WDR76: variants seen among roughly 807,000 people sequenced by gnomAD.
WDR76 encodes the protein WD repeat-containing protein 76.
A neutral mutation model predicts 70.2 loss-of-function variants in WDR76; 52 were observed. The observed-to-expected ratio is 0.74, with a 90% CI of 0.59 to 0.93. WDR76 has a LOEUF of 0.93. WDR76 is among the 40% of genes least tolerant of loss of function. WDR76 has a pLI of 0.00. For synonymous variants in WDR76, 292 were observed against 271.1 expected, an observed-to-expected ratio of 1.08 and a Z score of -0.76; for missense variants, 756 against 760.2, an observed-to-expected ratio of 0.99 and a Z score of 0.07.
At chr15:43,851,046 T>C (rs746872480) in intron 8 of WDR76, 41 bp from the exon 9 acceptor site, 3 of 1,605,296 alleles carry the variant, frequency 1.9e-6, no homozygotes, top group Non-Finnish European at 2.6e-6. Context: ...TATTTTTCAC[T>C]AGTTTTTTTC....
chr15:43,848,262 T>G (rs550820687), intron 8 of WDR76, among the ~76,000 whole-genome samples: 6 of 152,182 alleles, frequency 3.9e-5, no homozygotes, highest in Admixed American at 2.6e-4. Context: ...AAAATTCACT[T>G]ACTGCAATAA....
chr15:43,828,031 T>G lies in WDR76; in HGVS notation c.127T>G (p.Leu43Val). ...TCTGAGACCAGCACAGACTACAGTT[T>G]TAATAAAAACAGCTAAGGTCTATCT... is the stretch of plus-strand genomic sequence containing the variant. ...VSLRPAQTTV[L>V]IKTAKVYLAP... Residue 43 changes from leucine to valine, a missense_variant, in exon 2 of 13, where the codon TTA becomes GTA. Physicochemically the swap from Leu to Val is conservative, Grantham distance 32. Transcript: ENST00000263795. 1 of 1,614,086 alleles carries G rather than the reference T, an allele frequency of 6.2e-7. No individual in the cohort carries two copies. The highest frequency in any genetic ancestry group is 8.5e-7 in the Non-Finnish European group (1 of 1,180,016).
At chr15:43,835,004 A>G in intron 2 of WDR76, 57 bp from the exon 3 acceptor site, 1 of 1,421,936 alleles carries the variant, frequency 7.0e-7, no homozygotes, top group Non-Finnish European at 9.9e-7. Context: ...AGTTTTGTGA[A>G]GTGCTTTTCC....
chr15:43,842,382 G>A (rs746653320), intron 5 of WDR76, 33 bp from the exon 6 acceptor site: 47 of 1,597,458 alleles, frequency 2.9e-5, no homozygotes, highest in Non-Finnish European at 3.9e-5. Context: ...AGGGCAGGGA[G>A]CCCAACAAAT....
Position 43,843,963 on chromosome 15 carries a change from G to A in WDR76, c.941G>A (p.Gly314Asp). 6.2e-7 allele frequency: 1 copy of A among 1,612,824 alleles called. No individual in the cohort carries two copies. The highest frequency in any genetic ancestry group is 8.5e-7 in the Non-Finnish European group (1 of 1,179,356). The part of the protein sequence containing the change: ...SEDTVYKVTT[G>D]PIFSMALHPS... Reference sequence around the variant, plus strand: ...GATACCGTTTACAAAGTTACCACAGGCCCAATATTCTCTATGGCTCTCCAT... The same window carrying A: ...GATACCGTTTACAAAGTTACCACAGACCCAATATTCTCTATGGCTCTCCAT... Residue 314 changes from glycine to aspartate, a missense_variant, in exon 8 of 13, where the codon GGC becomes GAC. Physicochemically the swap from Gly to Asp is moderately conservative, Grantham distance 94. Transcript: ENST00000263795.
chr15:43,851,060 C>G (rs768408581), intron 8 of WDR76, 27 bp from the exon 9 acceptor site: 4 of 1,607,668 alleles, frequency 2.5e-6, no homozygotes, highest in Non-Finnish European at 3.4e-6. Context: ...TTTTTTCTCT[C>G]TCCCCTTTCC....
At position 43,858,845 on chromosome 15, in the gene WDR76, G is replaced by T. The variant is rs775643011; in HGVS notation, c.1562+22G>T. ...TGAGGTAAATTGGGAAGGCAGAAATGTTTTTAGGGAATCTAAAGAGTCTAT... is the reference window on the plus strand; with the variant it reads ...TGAGGTAAATTGGGAAGGCAGAAATTTTTTTAGGGAATCTAAAGAGTCTAT... On this transcript the variant is annotated intron_variant, in intron 11 of 12. Coordinates refer to ENST00000263795, the MANE Select transcript of WDR76 (RefSeq NM_024908.4). The T allele has an allele frequency of 1.8e-5, 29 of 1,609,780 alleles. No homozygotes were observed. In the East Asian group the frequency reaches 6.5e-4, roughly 36 times the overall value.
At chr15:43,845,250 G>T (rs1020992241) in intron 8 of WDR76, among the ~76,000 whole-genome samples, 1 of 149,908 alleles carries the variant, frequency 6.7e-6, no homozygotes, top group Non-Finnish European at 1.5e-5. Flanking sequence ...CGCCCAGCCC[G>T]AAGTTTAGTT....
intron 8 of WDR76, 66 bp from the exon 9 acceptor site, chr15:43,851,021 C>T: frequency 6.3e-7 from 1 of 1,575,736 alleles, no homozygotes; most frequent in South Asian, 1.2e-5. Context: ...GACATAATAG[C>T]ATAGCAAAAA....
At chr15:43,860,114 G>A (rs1234450622) in intron 11 of WDR76, among the ~76,000 whole-genome samples, 1 of 152,122 alleles carries the variant, frequency 6.6e-6, no homozygotes, top group Non-Finnish European at 1.5e-5. Context: ...ATATGGTAGT[G>A]TGTACTTGTA....
intron 2 of WDR76, among the ~76,000 whole-genome samples, chr15:43,831,016 C>G (rs2087580909): frequency 6.6e-6 from 1 of 152,078 alleles, no homozygotes; most frequent in Non-Finnish European, 1.5e-5. Flanking sequence ...CCACTGCACA[C>G]CAGCCTGGGC....
At chr15:43,842,040 G>C (rs1267387747) in intron 5 of WDR76, among the ~76,000 whole-genome samples, 1 of 151,910 alleles carries the variant, frequency 6.6e-6, no homozygotes, top group Non-Finnish European at 1.5e-5. Context: ...GCAAATTTTT[G>C]TATTTTTAGT....
chr15:43,842,857 A>G (rs1195622026), intron 7 of WDR76, among the ~76,000 whole-genome samples, 186 bp downstream of exon 7: 1 of 152,192 alleles, frequency 6.6e-6, no homozygotes, highest in Non-Finnish European at 1.5e-5. Flanking sequence ...TTCATATACA[A>G]TACCACTAGG....
chr15:43,843,475 G>A (rs569637638), intron 7 of WDR76, among the ~76,000 whole-genome samples: 226 of 152,256 alleles, frequency 1.5e-3, no homozygotes, highest in Middle Eastern at 3.4e-3. Flanking sequence ...GTGTGTTTGT[G>A]TATGTGTTTG....
In WDR76 at chr15:43,835,108, A is replaced by T; in HGVS notation, c.510A>T (p.Ile170=). Residue 170 remains isoleucine, a synonymous_variant, in exon 3 of 13, where the codon ATA becomes ATT. Transcript: ENST00000263795. The part of the protein sequence containing the change: ...SPYERKRLKN[I]SENADFFASL... The stretch of plus-strand genomic sequence containing the variant: ...ACGAAAGGAAGAGACTGAAGAACAT[A>T]TCAGAAAACGCAGACTTTTTTGCTT... The T allele has an allele frequency of 6.2e-7, 1 of 1,614,186 alleles. No individual in the cohort carries two copies. Among genetic ancestry groups the T allele is most frequent in the Non-Finnish European group, 8.5e-7 (1 of 1,180,034 alleles).
Position 43,836,224 on chromosome 15 carries a change from A to G in WDR76, c.608+8A>G, listed in dbSNP as rs970297897. The stretch of plus-strand genomic sequence containing the variant: ...GCCTCCTAAATCCAAAAGGTAAAAT[A>G]TCTAGTTTGCAATGCCTGAACCATG... On this transcript the variant is annotated splice_region_variant and intron_variant, in intron 4 of 12. Coordinates refer to ENST00000263795, the MANE Select transcript of WDR76 (RefSeq NM_024908.4). The G allele has an allele frequency of 1.9e-6, 3 of 1,608,426 alleles. No homozygotes were observed. The highest frequency in any genetic ancestry group is 2.7e-5 in the African/African-American group (2 of 74,804).
rs2087524150 is a variant in WDR76, at chr15:43,827,003, G to C, written c.-30G>C. On this transcript the variant is annotated 5_prime_UTR_variant, in exon 1 of 13. Coordinates refer to ENST00000263795, the MANE Select transcript of WDR76 (RefSeq NM_024908.4). Reference sequence around the variant, plus strand: ...CCGGCCTCCCGCCGCAATCTTGGCGGGAAGGCGCCGGCCGCTAAGAAGCCG... The same window carrying C: ...CCGGCCTCCCGCCGCAATCTTGGCGCGAAGGCGCCGGCCGCTAAGAAGCCG... 2 of 1,612,014 alleles carry C rather than the reference G, an allele frequency of 1.2e-6. No homozygotes were observed. Among genetic ancestry groups the C allele is most frequent in the Admixed American group, 3.3e-5 (2 of 59,974 alleles).
intron 4 of WDR76, among the ~76,000 whole-genome samples, chr15:43,839,293 C>T (rs1179630666): frequency 6.6e-6 from 1 of 152,030 alleles, no homozygotes; most frequent in Non-Finnish European, 1.5e-5. Context: ...ATGTACTGGA[C>T]TTTGTTTTTG....
At chr15:43,827,897 G>A (rs542740157) in intron 1 of WDR76, 68 bp from the exon 2 acceptor site, 8 of 1,417,920 alleles carry the variant, frequency 5.6e-6, no homozygotes, top group Non-Finnish European at 7.6e-6. Flanking sequence ...GATCTGTTAG[G>A]GATCCTGTAA....
Sources: gnomAD v4.1 joint callset for allele counts (sites outside exome capture counted in the v4.1 genomes callset) on GRCh38, gnomAD v4.1.1 for gene constraint, MANE v1.5 for transcripts, NCBI Gene and HGNC (gene_info 2026-07-23, HGNC 2026-07-21) for gene names.